ZNF133: variants seen among roughly 807,000 people sequenced by gnomAD.
ZNF133 encodes zinc finger protein 133 (clone pHZ-13).
Under a neutral mutation model 54.9 loss-of-function variants are expected in ZNF133, and 26 were observed. That is an observed-to-expected ratio of 0.47 (90% CI 0.35 to 0.66). The LOEUF (loss-of-function observed/expected upper bound fraction) is 0.66, where lower values mean the gene tolerates loss of function less well. Ranked by LOEUF, ZNF133 falls within the 30% of genes least tolerant of loss-of-function variation. The pLI, the probability that ZNF133 is intolerant of heterozygous loss-of-function variation, is 0.01. For missense variants in ZNF133, 653 were observed against 820.8 expected (o/e 0.80, Z 2.50); for synonymous variants, 298 against 320.3 (o/e 0.93, Z 0.74).
rs2044385377 is a variant in ZNF133, at chr20:18,305,504, A to G, written c.-6-177A>G. On this transcript the variant is annotated intron_variant, in intron 4 of 6. Transcript: ENST00000425686. This position sits in a 1 kb window ranked among gnomAD's most constrained non-coding sequence, Gnocchi z 4.7. ...CCCAGGATCTTGACTGTATGGGTTC[A>G]CAAATGCCACTGGCTGGATTGAGAC... Among the ~76,000 whole-genome samples, 2 of 152,158 alleles carry G rather than the reference A, an allele frequency of 1.3e-5. No individual in the cohort carries two copies. The highest frequency in any genetic ancestry group is 6.5e-5 in the Admixed American group (1 of 15,274).
At chr20:18,314,917 AGCAGTAG>A (rs1415474681) in intron 6 of ZNF133, 145 bp from the exon 7 acceptor site, 5 of 638,450 alleles carry the variant, frequency 7.8e-6, no homozygotes, top group Non-Finnish European at 1.3e-5. Context: ...CGTAATAAGT[AGCAGTAG>A]GCTGGAGAGT....
At chr20:18,299,275 A>G (rs941496392) in intron 3 of ZNF133, among the ~76,000 whole-genome samples, 2 of 152,206 alleles carry the variant, frequency 1.3e-5, no homozygotes, top group African/African-American at 2.4e-5. Context: ...ATAAACCAAA[A>G]ATAAATTTTG....
intron 1 of ZNF133, among the ~76,000 whole-genome samples, chr20:18,289,257 G>C (rs1349912540): frequency 2.6e-5 from 4 of 152,134 alleles, no homozygotes; most frequent in African/African-American, 9.7e-5. Flanking sequence ...GGACGCACAG[G>C]ACAGGTTTTT....
chr20:18,310,190 G>A, intron 6 of ZNF133: 1 of 1,401,630 alleles, frequency 7.1e-7, no homozygotes, highest in South Asian at 1.7e-5. Context: ...CTCTTACAAT[G>A]ATGTTGAGCA....
At position 18,306,333 on chromosome 20, in the gene ZNF133, C is replaced by CTGG. The variant is rs1270882664; in HGVS notation, c.158_160dup (p.Leu53_Glu54insVal). 2 of 1,613,822 alleles carry CTGG rather than the reference C, an allele frequency of 1.2e-6. No individual in the cohort carries two copies. The highest frequency in any genetic ancestry group is 1.7e-6 in the Non-Finnish European group (2 of 1,179,948). On this transcript the variant is annotated inframe_insertion, in exon 6 of 7. Transcript: ENST00000425686. ...TTCTAAACCAGAACTCATCACCCAG[C>CTGG]TGGAGCAAGGGAAAGAGACCTGGAG... is the stretch of plus-strand genomic sequence containing the variant.
chr20:18,303,067 A>G (rs1008387962), intron 3 of ZNF133, among the ~76,000 whole-genome samples: 5 of 151,220 alleles, frequency 3.3e-5, no homozygotes, highest in African/African-American at 1.2e-4. Flanking sequence ...TTTTTTTTGA[A>G]ACAGAGTTTT....
In ZNF133 at chr20:18,305,698, G is replaced by A; in HGVS notation, c.12G>A (p.Arg4=). 1 of 1,614,184 alleles carries A rather than the reference G, an allele frequency of 6.2e-7. No homozygotes were observed. The highest frequency in any genetic ancestry group is 8.5e-7 in the Non-Finnish European group (1 of 1,180,034). MAF[R]DVAVDFTQDE... ...TGTTACAGGCACACATGGCATTCAGGGATGTGGCTGTGGATTTCACCCAGG... is the reference window on the plus strand; with the variant it reads ...TGTTACAGGCACACATGGCATTCAGAGATGTGGCTGTGGATTTCACCCAGG... Residue 4 remains arginine, a synonymous_variant, in exon 5 of 7, where the codon AGG becomes AGA. Coordinates refer to ENST00000425686, the MANE Select transcript of ZNF133 (RefSeq NM_001352452.2). The surrounding 1 kb of genome is among the most constrained non-coding windows in gnomAD (Gnocchi z 4.7).
At chr20:18,306,829 A>T in intron 6 of ZNF133, 1 of 1,137,714 alleles carries the variant, frequency 8.8e-7, no homozygotes, top group Non-Finnish European at 1.1e-6. Context: ...GAGCTATTCA[A>T]GAATGGCTTT....
At position 18,315,940 on chromosome 20, in the gene ZNF133, C is replaced by T; in HGVS notation, c.1089C>T (p.Phe363=). ...TIVCSDCGLG[F]SDRSNLISHQ... Reference sequence around the variant, plus strand: ...TGTGCAGTGACTGTGGCCTGGGCTTCAGCGACAGGTCAAACCTCATCTCCC... The same window carrying T: ...TGTGCAGTGACTGTGGCCTGGGCTTTAGCGACAGGTCAAACCTCATCTCCC... Residue 363 remains phenylalanine (F), a synonymous_variant, in exon 7 of 7, where the codon TTC becomes TTT. Coordinates refer to ENST00000425686, the MANE Select transcript of ZNF133 (RefSeq NM_001352452.2). 1 of 1,614,046 alleles carries T rather than the reference C, an allele frequency of 6.2e-7. No homozygotes were observed.
Position 18,316,426 on chromosome 20 carries a change from A to C in ZNF133, c.1575A>C (p.Arg525=), listed in dbSNP as rs932760066. 1 of 1,611,548 alleles carries C rather than the reference A, an allele frequency of 6.2e-7. No homozygotes were observed. The highest frequency in any genetic ancestry group is 1.4e-5 in the African/African-American group (1 of 74,012). The change falls in exon 7 of 7, where the codon CGA becomes CGC. Residue 525 remains arginine, a synonymous_variant. Transcript: ENST00000425686. ...THSGERPYVC[R]ECGRGFSHQA... ...CAGGGGAGAGGCCGTATGTGTGCCGAGAGTGCGGGCGAGGCTTTAGCCACC... is the reference window on the plus strand; with the variant it reads ...CAGGGGAGAGGCCGTATGTGTGCCGCGAGTGCGGGCGAGGCTTTAGCCACC...
intron 6 of ZNF133, chr20:18,306,758 T>C: frequency 7.6e-7 from 1 of 1,321,302 alleles, no homozygotes; most frequent in Non-Finnish European, 9.9e-7. Flanking sequence ...GCAAGCCCAG[T>C]GGGAGGAAGA....
chr20:18,295,159 A>C (rs1331485026), intron 1 of ZNF133: 1 of 152,256 alleles, frequency 6.6e-6, no homozygotes, highest in Non-Finnish European at 1.5e-5. Context: ...AAGTAGTCTT[A>C]CATGACTTTT....
chr20:18,306,626 A>G (rs2044683370), intron 6 of ZNF133: 2 of 1,074,386 alleles, frequency 1.9e-6, no homozygotes, highest in African/African-American at 3.3e-5. Flanking sequence ...TTTTCCTCCC[A>G]GTGGGTTTCT....
intron 6 of ZNF133, among the ~76,000 whole-genome samples, chr20:18,312,128 C>T (rs1197787501): frequency 6.6e-6 from 1 of 152,174 alleles, no homozygotes; most frequent in Non-Finnish European, 1.5e-5. Context: ...ACACCTTGTA[C>T]ACTTGGCCTG....
At chr20:18,308,600 T>G (rs536798211) in intron 6 of ZNF133, among the ~76,000 whole-genome samples, 1 of 152,346 alleles carries the variant, frequency 6.6e-6, no homozygotes, top group East Asian at 1.9e-4. Context: ...TCCTCTTTAT[T>G]TCTTTTTAGT....
At chr20:18,297,771 G>T (rs550597763) in intron 1 of ZNF133, among the ~76,000 whole-genome samples, 1 of 151,960 alleles carries the variant, frequency 6.6e-6, no homozygotes, top group East Asian at 1.9e-4. Flanking sequence ...GTTGTTTTTT[G>T]TTTTTCTCTT....
chr20:18,313,759 G>A (rs1342791721), intron 6 of ZNF133: 2 of 152,218 alleles, frequency 1.3e-5, no homozygotes, highest in Admixed American at 6.5e-5. Context: ...TAAACTTAGT[G>A]AGAACTCAGT....
chr20:18,316,425 G>A lies in ZNF133; in HGVS notation c.1574G>A (p.Arg525Gln), dbSNP rs765190208. ...TCAGGGGAGAGGCCGTATGTGTGCCGAGAGTGCGGGCGAGGCTTTAGCCAC... is the reference window on the plus strand; with the variant it reads ...TCAGGGGAGAGGCCGTATGTGTGCCAAGAGTGCGGGCGAGGCTTTAGCCAC... ...THSGERPYVC[R>Q]ECGRGFSHQA... Residue 525 changes from arginine (R) to glutamine (Q), a missense_variant, in exon 7 of 7, where the codon CGA becomes CAA. Coordinates refer to ENST00000425686, the MANE Select transcript of ZNF133 (RefSeq NM_001352452.2). The A allele has an allele frequency of 1.5e-5, 25 of 1,614,060 alleles. No homozygotes were observed. The highest frequency in any genetic ancestry group is 4.5e-5 in the East Asian group (2 of 44,866).
chr20:18,300,934 A>G (rs1285457394), intron 3 of ZNF133, among the ~76,000 whole-genome samples: 4 of 152,130 alleles, frequency 2.6e-5, no homozygotes, highest in Admixed American at 2.6e-4. Flanking sequence ...GAAGACTTGA[A>G]CAAGGTGTAA....
Sources: allele counts gnomAD v4.1 joint callset (sites outside exome capture counted in the v4.1 genomes callset), GRCh38; gene constraint gnomAD v4.1.1; non-coding constraint Gnocchi (gnomAD v3.1); transcripts MANE v1.5; gene names NCBI Gene and HGNC (gene_info 2026-07-23, HGNC 2026-07-21).